Variants in ZNF248 observed in about 807,000 individuals in gnomAD.
The protein encoded by ZNF248 is KRAB protein domain.
In ZNF248, 20 loss-of-function variants were observed where a neutral mutation model predicts 44.3. The observed-to-expected ratio is 0.45, with a 90% CI of 0.32 to 0.66. ZNF248 has a LOEUF of 0.66. ZNF248 is among the 30% of genes least tolerant of loss of function. ZNF248 has a pLI of 0.04. For synonymous variants in ZNF248, 224 were observed against 229.0 expected (o/e 0.98, Z 0.20); for missense variants, 654 against 677.0 (o/e 0.97, Z 0.38).
chr10:37,766,487 C>T, the ZNF248 span, among the ~76,000 whole-genome samples: 1 of 152,194 alleles, frequency 6.6e-6, no homozygotes, highest in African/African-American at 2.4e-5. Flanking sequence ...TGTTCTGCAG[C>T]CACCACTGCT....
rs764606935 is a variant in ZNF248 at position 37,853,502 on chromosome 10, C to T, written c.15+2794G>A. Among the ~76,000 whole-genome samples, 12 of 152,100 alleles carry T rather than the reference C, an allele frequency of 7.9e-5. 1 individual carries two copies. Among genetic ancestry groups the T allele is most frequent in the South Asian group, 2.1e-4 (1 of 4,824 alleles). ...ACTCCATTCTCCTGCCTCAGCCTCCCGAGTAGCTGGGACTACAGGCGCCTG... is the reference window on the plus strand; with the variant it reads ...ACTCCATTCTCCTGCCTCAGCCTCCTGAGTAGCTGGGACTACAGGCGCCTG... On this transcript the variant is annotated intron_variant, in intron 3 of 5. Coordinates refer to ENST00000395867, the MANE Select transcript of ZNF248 (RefSeq NM_021045.3).
intron 6 of ZNF248, among the ~76,000 whole-genome samples, chr10:37,797,061 G>A (rs2049246271): frequency 6.6e-6 from 1 of 151,998 alleles, no homozygotes; most frequent in Admixed American, 6.6e-5. Flanking sequence ...CTTTGAGATA[G>A]GTTATATTAT....
At chr10:37,776,320 T>C (rs541825880), downstream of ZNF248, 17 of 347,762 alleles carry the variant, frequency 4.9e-5, no homozygotes, top group African/African-American at 3.2e-4. Flanking sequence ...GGTCCAAACC[T>C]TTCATCATAG....
At position 37,831,276 on chromosome 10, in the gene ZNF248, G is replaced by A; in HGVS notation, c.*339C>T. 1 of 1,549,578 alleles carries A rather than the reference G, an allele frequency of 6.5e-7. No homozygotes were observed. Among genetic ancestry groups the A allele is most frequent in the Non-Finnish European group, 8.7e-7 (1 of 1,146,212 alleles). ...GGGACTCTTCACATATATGTTTAAT[G>A]CTGCTGTCATTCAACTTTTATAAGC... On this transcript the variant is annotated 3_prime_UTR_variant, in exon 6 of 6. Transcript: ENST00000395867.
chr10:37,837,769 G>A, intron 4 of ZNF248, 57 bp from the exon 5 acceptor site: 1 of 1,509,704 alleles, frequency 6.6e-7, no homozygotes, highest in Non-Finnish European at 9.1e-7. Flanking sequence ...CAGGGGCTCT[G>A]AATACATCAT....
chr10:37,771,807 T>C (rs371108223), downstream of ZNF248, among the ~76,000 whole-genome samples: 1 of 151,872 alleles, frequency 6.6e-6, no homozygotes, highest in Non-Finnish European at 1.5e-5. Context: ...AAACAATCGA[T>C]GCACACCAAG....
intron 3 of ZNF248, among the ~76,000 whole-genome samples, chr10:37,846,037 G>A (rs1223804188): frequency 6.6e-6 from 1 of 152,200 alleles, no homozygotes; most frequent in Admixed American, 6.5e-5. Flanking sequence ...ATTTTTGCCT[G>A]TAACTTCTGC....
chr10:37,778,076 G>A (rs1368045483), intron 6 of ZNF248, among the ~76,000 whole-genome samples: 4 of 152,248 alleles, frequency 2.6e-5, no homozygotes, highest in East Asian at 1.9e-4. Context: ...GGGTCAAATG[G>A]TACTTCCAGT....
chr10:37,836,588 G>A (rs2057227316), intron 5 of ZNF248, among the ~76,000 whole-genome samples: 1 of 152,016 alleles, frequency 6.6e-6, no homozygotes, highest in Non-Finnish European at 1.5e-5. Context: ...TCTCTAATGT[G>A]GGAACTCCTC....
At chr10:37,800,414 C>T (rs1011737558) in intron 6 of ZNF248, among the ~76,000 whole-genome samples, 1 of 152,186 alleles carries the variant, frequency 6.6e-6, no homozygotes. Context: ...TAATGGCCTC[C>T]AGCTCCACCT....
intron 6 of ZNF248, among the ~76,000 whole-genome samples, chr10:37,780,660 G>A (rs892799558): frequency 2.6e-5 from 4 of 152,136 alleles, no homozygotes; most frequent in African/African-American, 4.8e-5. Flanking sequence ...AGCAAAGCTC[G>A]CGCCCTTCCA....
At chr10:37,835,349 C>T (rs945890691) in intron 5 of ZNF248, among the ~76,000 whole-genome samples, 1 of 152,128 alleles carries the variant, frequency 6.6e-6, no homozygotes, top group African/African-American at 2.4e-5. Flanking sequence ...GCCATGGTTG[C>T]CATTCAAGAT....
chr10:37,784,524 A>G (rs2047665031), intron 6 of ZNF248, among the ~76,000 whole-genome samples: 1 of 152,208 alleles, frequency 6.6e-6, no homozygotes, highest in African/African-American at 2.4e-5. Flanking sequence ...AATCATAGCT[A>G]TTGTGCTAAT....
chr10:37,827,541 A>C (rs2133790536), downstream of ZNF248, among the ~76,000 whole-genome samples: 2 of 152,290 alleles, frequency 1.3e-5, 1 homozygote, highest in Middle Eastern at 6.8e-3. Context: ...GAAGCCTGGG[A>C]ATGCAAGATC....
chr10:37,816,828 G>A (rs2052549039), intron 6 of ZNF248, among the ~76,000 whole-genome samples: 1 of 152,134 alleles, frequency 6.6e-6, no homozygotes, highest in African/African-American at 2.4e-5. Flanking sequence ...ATTATTTCTA[G>A]GAACCGTGTT....
chr10:37,760,960 T>C, the ZNF248 span, among the ~76,000 whole-genome samples: 1 of 152,256 alleles, frequency 6.6e-6, no homozygotes, highest in African/African-American at 2.4e-5. Flanking sequence ...GTTGGCTTAA[T>C]AATGAAACCA....
intron 6 of ZNF248, among the ~76,000 whole-genome samples, chr10:37,780,264 TATA>T (rs2047122783): frequency 6.6e-6 from 1 of 152,032 alleles, no homozygotes; most frequent in African/African-American, 2.4e-5. Flanking sequence ...GACTTCAAAC[TATA>T]CTACAAGGCT....
rs1306336083 is a variant in ZNF248, at chr10:37,830,941, A to G, written c.*674T>C. On this transcript the variant is annotated 3_prime_UTR_variant, in exon 6 of 6. Coordinates refer to ENST00000395867, the MANE Select transcript of ZNF248 (RefSeq NM_021045.3). ...ACTGCTTTTAATAACTGGCTCACAAAATTCCTTAAAATTTAACAATCAGAA... is the reference window on the plus strand; with the variant it reads ...ACTGCTTTTAATAACTGGCTCACAAGATTCCTTAAAATTTAACAATCAGAA... 2.7e-6 allele frequency: 1 copy of G among 369,402 alleles called. No individual in the cohort carries two copies. The highest frequency in any genetic ancestry group is 3.9e-6 in the Non-Finnish European group (1 of 257,566). The allele number at this position is 369,402 out of a possible 1,614,324, so 22.9% of individuals were successfully genotyped here.
intron 3 of ZNF248, among the ~76,000 whole-genome samples, chr10:37,845,536 T>C (rs2059184494): frequency 6.6e-6 from 1 of 151,332 alleles, no homozygotes; most frequent in Non-Finnish European, 1.5e-5. Flanking sequence ...AACTTTAAAG[T>C]AAAAGGAAAA....
Sources: gnomAD v4.1 joint callset for allele counts (sites outside exome capture counted in the v4.1 genomes callset) on GRCh38, gnomAD v4.1.1 for gene constraint, MANE v1.5 for transcripts, NCBI Gene and HGNC (gene_info 2026-07-23, HGNC 2026-07-21) for gene names.